USP48: variants seen among roughly 807,000 people sequenced by gnomAD.
USP48 encodes ubiquitin carboxyl-terminal hydrolase 48.
In USP48, 43 loss-of-function variants were observed where a neutral mutation model predicts 150.7. That is an observed-to-expected ratio of 0.29 (90% CI 0.22 to 0.37). The LOEUF is 0.37. USP48 is among the 10% of genes least tolerant of loss of function. The pLI, the probability that USP48 is intolerant of heterozygous loss-of-function variation, is 1.00. For synonymous variants in USP48, 396 were observed against 425.9 expected, an observed-to-expected ratio of 0.93 and a Z score of 0.86; for missense variants, 813 against 1,249.6, an observed-to-expected ratio of 0.65 and a Z score of 5.27.
chr1:21,683,915 C>T (rs549191543), intron 25 of USP48, among the ~76,000 whole-genome samples: 1 of 152,252 alleles, frequency 6.6e-6, no homozygotes, highest in Non-Finnish European at 1.5e-5. Context: ...TTTCACTTAA[C>T]ATAATGTCCT....
At chr1:21,757,066 CAAAGT>C (rs2097838173) in intron 2 of USP48, 3 of 908,210 alleles carry the variant, frequency 3.3e-6, no homozygotes, top group East Asian at 2.4e-4. Context: ...AGCAGAATGA[CAAAGT>C]AAAACTTATG....
chr1:21,687,845 G>A (rs1256567338), intron 24 of USP48, among the ~76,000 whole-genome samples: 2 of 152,106 alleles, frequency 1.3e-5, no homozygotes, highest in Admixed American at 1.3e-4. Context: ...AGGATCATTA[G>A]GATCTAGCAA....
intron 1 of USP48, among the ~76,000 whole-genome samples, chr1:21,767,645 T>A (rs985450848): frequency 6.6e-6 from 1 of 151,894 alleles, no homozygotes; most frequent in Non-Finnish European, 1.5e-5. Context: ...GAGAGCTTTT[T>A]TTTTTTTTCT....
intron 6 of USP48, among the ~76,000 whole-genome samples, chr1:21,749,381 T>C (rs1286819192): frequency 6.6e-6 from 1 of 152,114 alleles, no homozygotes; most frequent in Non-Finnish European, 1.5e-5. Flanking sequence ...CTTGGGGATT[T>C]TATCCAGCCA....
intron 15 of USP48, among the ~76,000 whole-genome samples, chr1:21,712,586 C>T (rs539835201): frequency 1.8e-4 from 27 of 151,282 alleles, no homozygotes; most frequent in African/African-American, 5.8e-4. Flanking sequence ...GCATGGTATG[C>T]TGGCAGATAA....
In USP48 at chr1:21,703,572, C is replaced by T; in HGVS notation, c.2562G>A (p.Arg854=). The change falls in exon 21 of 27, where the codon AGG becomes AGA. Residue 854 remains arginine (R), a synonymous_variant. Transcript: ENST00000308271. ...CREGLLCQQQ[R]DLREYTQATI... ...TGGCTTGAGTGTATTCACGCAGGTC[C>T]CTCTGCTGCTGACACAATAAGCCTT... is the stretch of plus-strand genomic sequence containing the variant. 3.1e-6 allele frequency: 5 copies of T among 1,611,782 alleles called. No homozygotes were observed. Among genetic ancestry groups the T allele is most frequent in the South Asian group, 2.2e-5 (2 of 91,048 alleles).
At chr1:21,779,659 T>A (rs1285884784) in intron 1 of USP48, among the ~76,000 whole-genome samples, 1 of 152,088 alleles carries the variant, frequency 6.6e-6, no homozygotes, top group African/African-American at 2.4e-5. Context: ...CAAAAACTAC[T>A]ACACTAATGT....
chr1:21,781,185 A>G (rs2097913567), intron 1 of USP48, among the ~76,000 whole-genome samples: 1 of 147,448 alleles, frequency 6.8e-6, no homozygotes, highest in Non-Finnish European at 1.5e-5. Flanking sequence ...TTGGGAGGCC[A>G]AGGCGGTCAA....
chr1:21,757,459 T>A, intron 2 of USP48: 1 of 425,662 alleles, frequency 2.3e-6, no homozygotes, highest in East Asian at 3.7e-5. Context: ...AAAGGCTTAC[T>A]GAATTACGCA....
chr1:21,689,943 G>T (rs571277397), intron 24 of USP48, 31 bp downstream of exon 24: 1 of 1,610,522 alleles, frequency 6.2e-7, no homozygotes, highest in South Asian at 1.1e-5. Context: ...GTAAAACCTT[G>T]AGTTCTTCAG....
rs1220405990 is a variant in USP48, at chr1:21,728,561, C to A, written c.1450+9G>T. ...TGGCAACAGTGCTGTCCCAGAATAT[C>A]TTACAGACCAGCTCCAGCAGGTAAC... On this transcript the variant is annotated intron_variant, in intron 11 of 26. Transcript: ENST00000308271. The A allele has an allele frequency of 1.2e-6, 2 of 1,612,704 alleles. No homozygotes were observed. The highest frequency in any genetic ancestry group is 1.7e-6 in the Non-Finnish European group (2 of 1,179,412).
chr1:21,766,021 A>G (rs112888844), intron 1 of USP48, among the ~76,000 whole-genome samples: 11,564 of 151,942 alleles, frequency 0.076, 499 homozygotes, highest in Middle Eastern at 0.11. Context: ...AATAAGATGC[A>G]ACAGGCAAGA....
At position 21,680,818 on chromosome 1, in the gene USP48, T is replaced by A; in HGVS notation, c.3075A>T (p.Glu1025Asp). The A allele has an allele frequency of 6.3e-7, 1 of 1,591,368 alleles. No individual in the cohort carries two copies. Among genetic ancestry groups the A allele is most frequent in the Admixed American group, 1.9e-5 (1 of 53,654 alleles). Residue 1025 changes from glutamate to aspartate, a missense_variant, in exon 26 of 27, where the codon GAA becomes GAT. Glu to Asp is a conservative substitution (Grantham distance 45). Coordinates refer to ENST00000308271, the MANE Select transcript of USP48 (RefSeq NM_032236.8). ...ACAAATGTAACTTACCTTTAAACCC[T>A]TCTTCTGGCATACAAACTGAAAAAA... ...DDVMQVCMPE[E>D]GFKGTGLLGH is the part of the protein sequence containing the mutation.
chr1:21,731,585 A>G (rs2097756976), intron 9 of USP48, among the ~76,000 whole-genome samples: 1 of 150,760 alleles, frequency 6.6e-6, no homozygotes, highest in Non-Finnish European at 1.5e-5. Flanking sequence ...AATTTTTAAA[A>G]ATGAAATGAA....
At chr1:21,699,486 C>T (rs990683239) in intron 22 of USP48, among the ~76,000 whole-genome samples, 4 of 151,648 alleles carry the variant, frequency 2.6e-5, no homozygotes, top group African/African-American at 9.7e-5. Context: ...GCATGAGCCA[C>T]CGTGCCTGGC....
At chr1:21,767,603 A>G (rs2097865311) in intron 1 of USP48, among the ~76,000 whole-genome samples, 1 of 149,502 alleles carries the variant, frequency 6.7e-6, no homozygotes, top group South Asian at 2.1e-4. Flanking sequence ...GATTACAGGC[A>G]TGAGCCACCG....
chr1:21,685,058 T>C (rs1006277793), intron 25 of USP48, among the ~76,000 whole-genome samples: 1 of 152,214 alleles, frequency 6.6e-6, no homozygotes, highest in Non-Finnish European at 1.5e-5. Flanking sequence ...GGATTGTGTT[T>C]TTCTATTTCT....
intron 1 of USP48, among the ~76,000 whole-genome samples, chr1:21,759,219 A>G (rs2097844393): frequency 6.7e-6 from 1 of 148,316 alleles, no homozygotes; most frequent in African/African-American, 2.5e-5. Context: ...ATCAACAAGG[A>G]TGACAGGAAC....
intron 2 of USP48, 86 bp downstream of exon 2, chr1:21,757,577 G>A: frequency 6.9e-7 from 1 of 1,444,804 alleles, no homozygotes; most frequent in Non-Finnish European, 9.3e-7. Context: ...GAAATCAGTA[G>A]AGTTTTCTGA....
Sources: allele counts gnomAD v4.1 joint callset (sites outside exome capture counted in the v4.1 genomes callset), GRCh38; gene constraint gnomAD v4.1.1; transcripts MANE v1.5; gene names NCBI Gene and HGNC (gene_info 2026-07-23, HGNC 2026-07-21).